The following PRRC2B variants were observed in gnomAD, a reference collection of about 807,000 sequenced individuals.
PRRC2B encodes the protein protein PRRC2B.
Under a neutral mutation model 242.3 loss-of-function variants are expected in PRRC2B, and 68 were observed. That is an observed-to-expected ratio of 0.28 (90% CI 0.23 to 0.34). The LOEUF is 0.34. PRRC2B is among the 10% of genes least tolerant of loss of function. PRRC2B has a pLI of 1.00. For synonymous variants in PRRC2B, 1,228 were observed against 1,173.6 expected, an observed-to-expected ratio of 1.05 and a Z score of -0.95; for missense variants, 2,835 against 2,954.8, an observed-to-expected ratio of 0.96 and a Z score of 0.94.
Position 131,446,305 on chromosome 9 carries a change from TG to T in PRRC2B, c.614-94del. 1 of 1,422,138 alleles carries T rather than the reference TG, an allele frequency of 7.0e-7. No homozygotes were observed. The highest frequency in any genetic ancestry group is 2.3e-5 in the Admixed American group (1 of 44,378). 88.1% of individuals were successfully genotyped at this position (1,422,138 alleles called of 1,614,324 possible). A position where few individuals can be genotyped will look rare whatever the true frequency, so the allele number is the denominator to read the frequency against. ...TTTTTTGTTTTTCATTTTATTTTTTTGGTGAAGGAGGGGGTCCCTTGACCTT... is the reference window on the plus strand; with the variant it reads ...TTTTTTGTTTTTCATTTTATTTTTTTGTGAAGGAGGGGGTCCCTTGACCTT... On this transcript the variant is annotated intron_variant, in intron 6 of 31. Coordinates refer to ENST00000683519, the MANE Select transcript of PRRC2B (RefSeq NM_013318.4). The surrounding 1 kb of genome is among the most constrained non-coding windows in gnomAD (Gnocchi z 4.1).
chr9:131,472,821 C>T (rs1046900909), intron 14 of PRRC2B, among the ~76,000 whole-genome samples: 8 of 152,322 alleles, frequency 5.3e-5, no homozygotes, highest in Admixed American at 3.9e-4. Flanking sequence ...TATGATATTT[C>T]ATGCATTCCA....
rs1234818780 is a variant in PRRC2B at position 131,446,559 on chromosome 9, G to A, written c.772G>A (p.Ala258Thr). 1 of 1,613,860 alleles carries A rather than the reference G, an allele frequency of 6.2e-7. No individual in the cohort carries two copies. ...TTCTAAGGACCCCTCTCTCCGCCCG[G>A]CTCAGCCTGTCCGAAAAGGGGCTTC... ...SDSKDPSLRP[A>T]QPVRKGASQF... The change falls in exon 7 of 32, where the codon GCT becomes ACT. Residue 258 changes from alanine (A) to threonine (T), a missense_variant. Ala to Thr is a moderately conservative substitution (Grantham distance 58). This residue lies in a region of PRRC2B where 626 missense variants were observed against 685.5 expected (regional missense o/e 0.91). Coordinates refer to ENST00000683519, the MANE Select transcript of PRRC2B (RefSeq NM_013318.4). This position sits in a 1 kb window ranked among gnomAD's most constrained non-coding sequence, Gnocchi z 4.1.
Position 131,465,505 on chromosome 9 carries a change from G to T in PRRC2B, c.1720+427G>T, listed in dbSNP as rs532777719. Among the ~76,000 whole-genome samples the T allele has an allele frequency of 2.0e-5, 3 of 152,124 alleles. No homozygotes were observed. The East Asian group carries it at 5.8e-4, about 29-fold the overall frequency. On this transcript the variant is annotated intron_variant, in intron 12 of 31. Coordinates refer to ENST00000683519, the MANE Select transcript of PRRC2B (RefSeq NM_013318.4). ...GTATGTACCTGCCAGCACGCGGAGG[G>T]GTGTACAGCACGCTCCAGTTTCTGG...
intron 28 of PRRC2B, 70 bp downstream of exon 28, chr9:131,488,166 C>A: frequency 6.6e-7 from 1 of 1,524,926 alleles, no homozygotes; most frequent in South Asian, 1.3e-5. Context: ...TTTCTTTTCA[C>A]CCGCCTCTCA....
intron 1 of PRRC2B, among the ~76,000 whole-genome samples, chr9:131,425,796 CTTTTTAAGTAATATTTATAT>C (rs1353211610): frequency 1.3e-5 from 2 of 151,504 alleles, no homozygotes; most frequent in Non-Finnish European, 2.9e-5. Context: ...CCCCCGAGGA[CTTTTTAAGTAATATTTATAT>C]AAACAAATGT....
At chr9:131,416,024 G>C (rs576406363) in intron 1 of PRRC2B, among the ~76,000 whole-genome samples, 1 of 151,984 alleles carries the variant, frequency 6.6e-6, no homozygotes, top group East Asian at 1.9e-4. Context: ...TTTGATTTTG[G>C]GGGTAGGATG....
At chr9:131,426,742 T>C (rs566366040) in intron 1 of PRRC2B, among the ~76,000 whole-genome samples, 87 of 152,180 alleles carry the variant, frequency 5.7e-4, no homozygotes, top group African/African-American at 2.1e-3. Context: ...GGGCAGTGAG[T>C]GCTTGGAAGC....
intron 1 of PRRC2B, among the ~76,000 whole-genome samples, chr9:131,385,153 A>ACCACGCCTGGCTAATTTTT (rs1231574189): frequency 5.7e-4 from 79 of 138,238 alleles, no homozygotes; most frequent in Admixed American, 1.8e-3. Context: ...GATTACAGGC[A>ACCACGCCTGGCTAATTTTT]TGAGCTACAC....
chr9:131,373,670 C>G (rs1200648565), exon 1 of PRRC2B: 1 of 152,240 alleles, frequency 6.6e-6, no homozygotes, highest in Non-Finnish European at 1.5e-5. Flanking sequence ...TCTGGGCCGC[C>G]GCGATTCTGG....
chr9:131,439,709 G>A (rs1392337921), intron 5 of PRRC2B, among the ~76,000 whole-genome samples: 3 of 152,158 alleles, frequency 2.0e-5, no homozygotes, highest in Admixed American at 2.0e-4. Context: ...GGAAATGACC[G>A]ATCAATGTGC....
intron 1 of PRRC2B, among the ~76,000 whole-genome samples, chr9:131,410,705 T>G (rs546393698): frequency 1.3e-5 from 2 of 152,354 alleles, no homozygotes; most frequent in East Asian, 3.9e-4. Flanking sequence ...TTCAAGGAAC[T>G]AATTTTATTC....
chr9:131,424,922 C>T (rs893478630), intron 1 of PRRC2B, among the ~76,000 whole-genome samples: 4 of 152,118 alleles, frequency 2.6e-5, no homozygotes, highest in Non-Finnish European at 5.9e-5. Context: ...ACTGACATCT[C>T]GTAAACACAA....
intron 28 of PRRC2B, among the ~76,000 whole-genome samples, chr9:131,488,597 C>A (rs1360594002): frequency 6.6e-6 from 1 of 152,182 alleles, no homozygotes; most frequent in African/African-American, 2.4e-5. Context: ...ACCTGGCTGT[C>A]CCCTAAGCAC....
At chr9:131,459,692 C>T (rs1943186190) in intron 11 of PRRC2B, among the ~76,000 whole-genome samples, 1 of 151,742 alleles carries the variant, frequency 6.6e-6, no homozygotes, top group Admixed American at 6.6e-5. Flanking sequence ...TGTGTGCTGC[C>T]ACACCTGGCT....
intron 1 of PRRC2B, among the ~76,000 whole-genome samples, chr9:131,397,788 G>A (rs990937545): frequency 2.0e-5 from 3 of 151,700 alleles, no homozygotes; most frequent in Non-Finnish European, 2.9e-5. Context: ...TGTCATGGGC[G>A]GACAGGTACT....
intron 28 of PRRC2B, among the ~76,000 whole-genome samples, chr9:131,488,616 C>T (rs1406739758): frequency 3.3e-5 from 5 of 152,196 alleles, no homozygotes; most frequent in Admixed American, 3.3e-4. Context: ...ACTGCCTGCT[C>T]CTGCAGCCCC....
chr9:131,395,489 T>G (rs778446016), intron 1 of PRRC2B, among the ~76,000 whole-genome samples: 53 of 152,284 alleles, frequency 3.5e-4, no homozygotes, highest in Middle Eastern at 3.4e-3. Flanking sequence ...GTAAACCTAG[T>G]GACTCTGGGG....
In PRRC2B at chr9:131,474,940, G is replaced by C. The variant is rs771356386; in HGVS notation, c.2811G>C (p.Arg937=). Residue 937 remains arginine (R), a synonymous_variant, in exon 16 of 32, where the codon CGG becomes CGC. Transcript: ENST00000683519. ...ACCCGGAGCAGACGGGCAGGACCCG[G>C]AGGTCGGGACCCATCAAGAAACCAG... ...SQHPEQTGRT[R]RSGPIKKPVL... 9 of 1,594,194 alleles carry C rather than the reference G, an allele frequency of 5.6e-6. No individual in the cohort carries two copies. The East Asian group carries it at 1.8e-4, about 32-fold the overall frequency.
At chr9:131,430,523 ATAGATATC>A (rs966442801) in intron 2 of PRRC2B, among the ~76,000 whole-genome samples, 7 of 98,392 alleles carry the variant, frequency 7.1e-5, no homozygotes, top group Non-Finnish European at 1.4e-4. Flanking sequence ...AGATAGATAG[ATAGATATC>A]TATCTATAGA....
Sources: allele counts gnomAD v4.1 joint callset (sites outside exome capture counted in the v4.1 genomes callset), GRCh38; gene constraint gnomAD v4.1.1; regional missense constraint gnomAD v4.1.1; non-coding constraint Gnocchi (gnomAD v3.1); transcripts MANE v1.5; gene names NCBI Gene and HGNC (gene_info 2026-07-23, HGNC 2026-07-21).